PFKFB2: variants seen among roughly 807,000 people sequenced by gnomAD.
The protein encoded by PFKFB2 is 6-phosphofructo-2-kinase/fructose-2,6-biphosphatase 2, also known as 6-phosphofructo-2-kinase/fructose-2,6-bisphosphatase 2.
In PFKFB2, 53 loss-of-function variants were observed where a neutral mutation model predicts 68.0. That is an observed-to-expected ratio of 0.78 (90% CI 0.63 to 0.98). PFKFB2 has a LOEUF of 0.98. PFKFB2 is among the 50% of genes least tolerant of loss of function. The probability of loss-of-function intolerance (pLI) is 0.00; values close to 1 mark genes in which losing one functional copy is unlikely to be tolerated. For missense variants in PFKFB2, 451 were observed against 642.0 expected (o/e 0.70, Z 3.22); for synonymous variants, 222 against 227.6 (o/e 0.98, Z 0.22).
Position 207,054,746 on chromosome 1 carries a change from A to G in PFKFB2, c.29A>G (p.Asn10Ser). Residue 10 changes from asparagine to serine, a missense_variant, in exon 2 of 15, where the codon AAC becomes AGC. Transcript: ENST00000367080. MSGASSSEQ[N>S]NNSYETKTPN... is the part of the protein sequence containing the mutation. ...TCTGGGGCATCTTCCTCAGAACAGA[A>G]CAACAACAGCTATGAAACCAAAACC... is the stretch of plus-strand genomic sequence containing the variant. 1 of 1,613,944 alleles carries G rather than the reference A, an allele frequency of 6.2e-7. No homozygotes were observed. The highest frequency in any genetic ancestry group is 8.5e-7 in the Non-Finnish European group (1 of 1,179,866).
In PFKFB2 at chr1:207,073,812, C is replaced by T. The variant is rs2102284455; in HGVS notation, c.*1441C>T. 2 of 985,334 alleles carry T rather than the reference C, an allele frequency of 2.0e-6. No individual in the cohort carries two copies. The highest frequency in any genetic ancestry group is 3.5e-5 in the African/African-American group (2 of 57,336). 61.0% of individuals were successfully genotyped at this position (985,334 alleles called of 1,614,324 possible). A position where few individuals can be genotyped will look rare whatever the true frequency, so the allele number is the denominator to read the frequency against. ...TTATTCTCTTTCCCAATTTTGCATG[C>T]AAAATGTACGAATATATGTATGTTT... On this transcript the variant is annotated 3_prime_UTR_variant, in exon 15 of 15. Coordinates refer to ENST00000367080, the MANE Select transcript of PFKFB2 (RefSeq NM_006212.2).
chr1:207,077,941 A>G (rs1399858872), downstream of PFKFB2: 1 of 269,168 alleles, frequency 3.7e-6, no homozygotes, highest in African/African-American at 2.3e-5. Flanking sequence ...AGAAGTTCGC[A>G]CTGTAATTGA....
intron 2 of PFKFB2, chr1:207,046,258 T>G (rs17258711): frequency 6.6e-6 from 1 of 151,934 alleles, no homozygotes; most frequent in South Asian, 2.1e-4. Flanking sequence ...TCTGCTCTAG[T>G]ACAAAACTTA....
In PFKFB2 at chr1:207,067,544, A is replaced by G. The variant is rs772026790; in HGVS notation, c.678A>G (p.Leu226=). The G allele has an allele frequency of 4.3e-6, 7 of 1,613,828 alleles. 1 individual carries two copies. In the South Asian group the frequency reaches 7.7e-5, roughly 18 times the overall value. ...TGATAAACGTGGGCCAGCGATTTTT[A>G]GTCAACAGAGTCCAGGACTACATCC... is the stretch of plus-strand genomic sequence containing the variant. ...IKVINVGQRF[L]VNRVQDYIQS... The change falls in exon 9 of 15, where the codon TTA becomes TTG. Residue 226 remains leucine, a synonymous_variant. Coordinates refer to ENST00000367080, the MANE Select transcript of PFKFB2 (RefSeq NM_006212.2).
chr1:207,041,476 C>T (rs892373776), intron 1 of PFKFB2, among the ~76,000 whole-genome samples: 1 of 152,130 alleles, frequency 6.6e-6, no homozygotes, highest in African/African-American at 2.4e-5. Context: ...TGAGTGAGAA[C>T]ATGCAGTGTT....
In PFKFB2 at chr1:207,063,909, G is replaced by C. The variant is rs1462559789; in HGVS notation, c.507+80G>C. 6 of 1,022,030 alleles carry C rather than the reference G, an allele frequency of 5.9e-6. No homozygotes were observed. In the Admixed American group the frequency reaches 6.9e-5, roughly 12 times the overall value. The allele number at this position is 1,022,030 out of a possible 1,614,324, so 63.3% of individuals were successfully genotyped here. ...GTGGGGTGTGTGTGTGTGTGTGTGTGTGTGTGTTGTTGGGGAGGGGTGTTT... is the reference window on the plus strand; with the variant it reads ...GTGGGGTGTGTGTGTGTGTGTGTGTCTGTGTGTTGTTGGGGAGGGGTGTTT... On this transcript the variant is annotated intron_variant, in intron 7 of 14. Coordinates refer to ENST00000367080, the MANE Select transcript of PFKFB2 (RefSeq NM_006212.2). The surrounding 1 kb of genome is among the most constrained non-coding windows in gnomAD (Gnocchi z 4.1).
At position 207,074,036 on chromosome 1, in the gene PFKFB2, T is replaced by C; in HGVS notation, c.*1665T>C. The C allele has an allele frequency of 2.1e-6, 2 of 945,476 alleles. No homozygotes were observed. Among genetic ancestry groups the C allele is most frequent in the Admixed American group, 6.2e-5 (1 of 16,228 alleles). 58.6% of individuals were successfully genotyped at this position (945,476 alleles called of 1,614,324 possible). A position where few individuals can be genotyped will look rare whatever the true frequency, so the allele number is the denominator to read the frequency against. On this transcript the variant is annotated 3_prime_UTR_variant, in exon 15 of 15. Transcript: ENST00000367080. ...GTATTCCTTAGAATTGCCTTTAGGA[T>C]TGTTGAATCATAAACATGCCTGTGT...
At chr1:207,051,149 C>T (rs914926310), upstream of PFKFB2, 6 of 1,420,830 alleles carry the variant, frequency 4.2e-6, no homozygotes, top group Admixed American at 6.0e-5. Context: ...ACCCTCAGAA[C>T]GAAGATGTAA....
Position 207,072,271 on chromosome 1 carries a change from C to G in PFKFB2, c.1418C>G (p.Ser473Trp). The G allele has an allele frequency of 6.2e-7, 1 of 1,614,174 alleles. No homozygotes were observed. The highest frequency in any genetic ancestry group is 8.5e-7 in the Non-Finnish European group (1 of 1,180,028). ...RRNSFTPLSSSNTIRRPRNYS... is the reference protein window; with the variant it reads ...RRNSFTPLSSWNTIRRPRNYS... ...AACAGCTTTACGCCTCTGTCCAGTT[C>G]GAATACAATAAGGCGTCCAAGAAAT... Residue 473 changes from serine to tryptophan, a missense_variant, in exon 15 of 15, where the codon TCG becomes TGG. By Grantham distance (177) the Ser-to-Trp change is radical. Coordinates refer to ENST00000367080, the MANE Select transcript of PFKFB2 (RefSeq NM_006212.2).
At chr1:207,060,359 A>AGGGTAGACTGAGGACT (rs1176661409) in intron 2 of PFKFB2, among the ~76,000 whole-genome samples, 1 of 152,232 alleles carries the variant, frequency 6.6e-6, no homozygotes, top group Non-Finnish European at 1.5e-5. Flanking sequence ...TTACTAAGGA[A>AGGGTAGACTGAGGACT]GGGTAGACTG....
intron 2 of PFKFB2, chr1:207,047,672 A>C (rs1682631326): frequency 6.5e-6 from 1 of 152,672 alleles, no homozygotes; most frequent in Non-Finnish European, 1.5e-5. Flanking sequence ...AGTGAAGCTA[A>C]GTTTTAGAGG....
intron 2 of PFKFB2, among the ~76,000 whole-genome samples, chr1:207,059,441 GAGAC>G (rs1388657182): frequency 6.6e-6 from 1 of 152,144 alleles, no homozygotes; most frequent in Non-Finnish European, 1.5e-5. Context: ...ACTTAAACCT[GAGAC>G]AGCTGATCCC....
chr1:207,075,616 A>G lies in PFKFB2; in HGVS notation c.*3245A>G. 2.0e-6 allele frequency: 2 copies of G among 985,288 alleles called. No homozygotes were observed. The highest frequency in any genetic ancestry group is 4.7e-5 in the South Asian group (1 of 21,290). 61.0% of individuals were successfully genotyped at this position (985,288 alleles called of 1,614,324 possible). ...TTTGTTTTGTGAGAAATAGGTAAAG[A>G]CATTAGCATTTAATCTACTGGAATA... On this transcript the variant is annotated 3_prime_UTR_variant, in exon 15 of 15. Coordinates refer to ENST00000367080, the MANE Select transcript of PFKFB2 (RefSeq NM_006212.2).
At chr1:207,058,062 G>A (rs1293326565) in intron 2 of PFKFB2, among the ~76,000 whole-genome samples, 1 of 152,172 alleles carries the variant, frequency 6.6e-6, no homozygotes, top group Non-Finnish European at 1.5e-5. Context: ...ATTGTAAGCT[G>A]TTTTCAATAT....
downstream of PFKFB2, chr1:207,079,359 C>T (rs747489129): frequency 6.1e-6 from 2 of 326,886 alleles, no homozygotes; most frequent in Admixed American, 9.1e-5. Context: ...CCTTTGCTGG[C>T]TCTTTTTTGC....
At position 207,047,488 on chromosome 1, in the gene PFKFB2, G is replaced by A. The variant is rs573766640; in HGVS notation, c.-18+5276G>A. The A allele has an allele frequency of 2.0e-5, 3 of 152,704 alleles. No individual in the cohort carries two copies. In the South Asian group the frequency reaches 6.2e-4, roughly 32 times the overall value. The allele number at this position is 152,704 out of a possible 1,614,324, so 9.5% of individuals were successfully genotyped here. On this transcript the variant is annotated intron_variant, in intron 2 of 5. Coordinates refer to the PFKFB2 transcript ENST00000545806. ...CTGAAAAAGATCCAAGTGCTTTAAA[G>A]TATACCACTGAATTTCTAAGTGAGA...
rs923088397 is a variant in PFKFB2 at position 207,075,717 on chromosome 1, C to T, written c.*3346C>T. On this transcript the variant is annotated 3_prime_UTR_variant, in exon 15 of 15. Coordinates refer to ENST00000367080, the MANE Select transcript of PFKFB2 (RefSeq NM_006212.2). ...GGCAGGAGAATCACTTGAGACCAGC[C>T]TGGGCAATATAGTGAGACCTCACCT... is the stretch of plus-strand genomic sequence containing the variant. 8 of 969,976 alleles carry T rather than the reference C, an allele frequency of 8.2e-6. No homozygotes were observed. In the Admixed American group the frequency reaches 1.8e-4, roughly 22 times the overall value. The allele number at this position is 969,976 out of a possible 1,614,324, so 60.1% of individuals were successfully genotyped here. A position where few individuals can be genotyped will look rare whatever the true frequency, so the allele number is the denominator to read the frequency against.
intron 2 of PFKFB2, among the ~76,000 whole-genome samples, chr1:207,042,824 T>C (rs1193149077): frequency 6.6e-6 from 1 of 152,156 alleles, no homozygotes; most frequent in Non-Finnish European, 1.5e-5. Context: ...CTTGTTGAGA[T>C]TTTTGAATTG....
rs1322946712 is a variant in PFKFB2 at position 207,073,619 on chromosome 1, A to G, written c.*1248A>G. The G allele has an allele frequency of 2.0e-6, 2 of 984,948 alleles. No homozygotes were observed. Among genetic ancestry groups the G allele is most frequent in the African/African-American group, 3.5e-5 (2 of 57,230 alleles). 61.0% of individuals were successfully genotyped at this position (984,948 alleles called of 1,614,324 possible). A position where few individuals can be genotyped will look rare whatever the true frequency, so the allele number is the denominator to read the frequency against. On this transcript the variant is annotated 3_prime_UTR_variant, in exon 15 of 15. Transcript: ENST00000367080. ...CATTGGAGTATTCTTTTGTTCATAA[A>G]GAGAAACTATCTCATCTTGATGTCC...
Sources: allele counts gnomAD v4.1 joint callset (sites outside exome capture counted in the v4.1 genomes callset), GRCh38; gene constraint gnomAD v4.1.1; non-coding constraint Gnocchi (gnomAD v3.1); transcripts MANE v1.5; gene names NCBI Gene and HGNC (gene_info 2026-07-23, HGNC 2026-07-21).